The following ZNF91 variants were observed in gnomAD, a reference collection of about 807,000 sequenced individuals.
ZNF91 encodes the protein zinc finger protein 91 (HPF7, HTF10).
Under a neutral mutation model 12.6 loss-of-function variants are expected in ZNF91, and 7 were observed. The observed-to-expected ratio is 0.55, with a 90% CI of 0.31 to 1.04. ZNF91 has a LOEUF of 1.04. Ranked by LOEUF, ZNF91 falls within the 50% of genes least tolerant of loss-of-function variation. The pLI is 0.05. For missense variants in ZNF91, 1,217 were observed against 1,385.4 expected (o/e 0.88, Z 1.93); for synonymous variants, 453 against 462.6 (o/e 0.98, Z 0.27).
At chr19:23,377,531 C>A (rs1969546827) in intron 1 of ZNF91, among the ~76,000 whole-genome samples, 1 of 152,100 alleles carries the variant, frequency 6.6e-6, no homozygotes, top group African/African-American at 2.4e-5. Context: ...GTGTTCTAAA[C>A]AAGTCCCCTG....
downstream of ZNF91, among the ~76,000 whole-genome samples, chr19:23,337,638 C>CT (rs1422112691): frequency 1.3e-5 from 2 of 151,424 alleles, no homozygotes; most frequent in African/African-American, 4.8e-5. Flanking sequence ...CTCCAGTACT[C>CT]TAAGAAAAAA....
At chr19:23,318,101 T>C (rs1487514632) in intron 1 of ZNF91, among the ~76,000 whole-genome samples, 1 of 152,200 alleles carries the variant, frequency 6.6e-6, no homozygotes, top group Non-Finnish European at 1.5e-5. Flanking sequence ...CTGTGACATA[T>C]CACTGTCACT....
intron 3 of ZNF91, among the ~76,000 whole-genome samples, chr19:23,348,305 G>A (rs561434332): frequency 5.4e-4 from 82 of 152,280 alleles, no homozygotes; most frequent in Admixed American, 1.8e-3. Context: ...GACCCTGAAC[G>A]GAGGGACCAG....
At chr19:23,389,716 A>G (rs1969997489) in intron 1 of ZNF91, among the ~76,000 whole-genome samples, 1 of 152,154 alleles carries the variant, frequency 6.6e-6, no homozygotes, top group Non-Finnish European at 1.5e-5. Context: ...AGTCTGTGGT[A>G]TCTTTCTTCT....
upstream of ZNF91, among the ~76,000 whole-genome samples, chr19:23,314,285 G>T (rs1967516054): frequency 6.6e-6 from 1 of 152,068 alleles, no homozygotes; most frequent in African/African-American, 2.4e-5. Flanking sequence ...CTTGGTATTT[G>T]CCAACAGGTG....
chr19:23,337,621 A>C (rs1304670003), downstream of ZNF91, among the ~76,000 whole-genome samples: 1 of 152,086 alleles, frequency 6.6e-6, no homozygotes, highest in African/African-American at 2.4e-5. Flanking sequence ...AAAGGAACAC[A>C]ATAATTCTCC....
At chr19:23,388,398 AAC>A (rs57766347) in intron 1 of ZNF91, among the ~76,000 whole-genome samples, 28,598 of 152,176 alleles carry the variant, frequency 0.19, 2,895 homozygotes, top group Non-Finnish European at 0.21. Context: ...ATAAAACCAC[AAC>A]AGAGGCTGAA....
chr19:23,341,156 T>G (rs939883538), intron 3 of ZNF91, among the ~76,000 whole-genome samples: 2 of 151,314 alleles, frequency 1.3e-5, no homozygotes, highest in Non-Finnish European at 2.9e-5. Flanking sequence ...GTTCAAGCAA[T>G]TCTTCTGTGT....
At position 23,342,727 on chromosome 19, in the gene ZNF91, C is replaced by T. The variant is rs1423824851; in HGVS notation, c.254-3673G>A. 2.0e-5 allele frequency among the ~76,000 whole-genome samples: 3 copies of T among 151,942 alleles called. No individual in the cohort carries two copies. The East Asian group carries it at 5.8e-4, about 29-fold the overall frequency. ...ATTCTACAAAGGGAGAAAATAGAAG[C>T]CTGATGGTATATTAGAAAATCTGGG... is the stretch of plus-strand genomic sequence containing the variant. On this transcript the variant is annotated intron_variant, in intron 3 of 3. Transcript: ENST00000599743.
At chr19:23,373,913 G>T in intron 2 of ZNF91, 76 bp from the exon 3 acceptor site, 1 of 954,606 alleles carries the variant, frequency 1.0e-6, no homozygotes, top group Non-Finnish European at 1.5e-6. Context: ...GCTCAGTAAA[G>T]AGCATATAAT....
chr19:23,355,665 C>T (rs970049748), downstream of ZNF91, among the ~76,000 whole-genome samples: 1 of 152,142 alleles, frequency 6.6e-6, no homozygotes, highest in African/African-American at 2.4e-5. Flanking sequence ...AGTAAACAGA[C>T]AACTCACACA....
chr19:23,323,534 TTTCCTTTTTCTCTCCTC>T (rs1967759238), intron 1 of ZNF91, among the ~76,000 whole-genome samples: 1 of 137,480 alleles, frequency 7.3e-6, no homozygotes, highest in Non-Finnish European at 1.5e-5. Flanking sequence ...TTCTCCTCCT[TTTCCTTTTTCTCTCCTC>T]TTCCTTTTTC....
intron 1 of ZNF91, among the ~76,000 whole-genome samples, chr19:23,310,370 T>C (rs1447042681): frequency 6.6e-6 from 1 of 152,180 alleles, no homozygotes; most frequent in Non-Finnish European, 1.5e-5. Context: ...GTGGATCTGG[T>C]CCACAGGTTG....
At chr19:23,338,670 AG>A (rs1968062583), downstream of ZNF91, 1 of 152,210 alleles carries the variant, frequency 6.6e-6, no homozygotes, top group Non-Finnish European at 1.5e-5. Flanking sequence ...TAAAAAAATA[AG>A]ACAAGAAAAT....
At chr19:23,327,281 C>G (rs1362977600) in intron 1 of ZNF91, 1 of 151,808 alleles carries the variant, frequency 6.6e-6, no homozygotes, top group Non-Finnish European at 1.5e-5. Flanking sequence ...CATACTTTAC[C>G]CTGATACTTT....
At chr19:23,354,417 C>A (rs1433271232), downstream of ZNF91, among the ~76,000 whole-genome samples, 1 of 152,116 alleles carries the variant, frequency 6.6e-6, no homozygotes, top group Non-Finnish European at 1.5e-5. Flanking sequence ...TATTTAGCAT[C>A]CCTTTATGAT....
intron 3 of ZNF91, among the ~76,000 whole-genome samples, chr19:23,372,015 A>T (rs1361009410): frequency 1.3e-5 from 2 of 148,768 alleles, no homozygotes; most frequent in African/African-American, 5.0e-5. Flanking sequence ...TATTTGAGGA[A>T]TACATTATGT....
chr19:23,365,549 A>T (rs1459110291), intron 3 of ZNF91, among the ~76,000 whole-genome samples: 2 of 151,872 alleles, frequency 1.3e-5, no homozygotes, highest in Admixed American at 6.6e-5. Context: ...TTAAATGTAA[A>T]TACACAGACA....
rs948830525 is a variant in ZNF91 at position 23,360,414 on chromosome 19, T to C, written c.2565A>G (p.Lys855=). ...KIIHAGEKLY[K]CEECGKAFNQ... is the part of the protein sequence containing the mutation. ...TAAAAGCTTTGCCACATTCCTCACA[T>C]TTGTAGAGTTTCTCTCCAGCATGTA... Residue 855 remains lysine, a synonymous_variant, in exon 4 of 4, where the codon AAA becomes AAG. Transcript: ENST00000300619. The C allele has an allele frequency of 1.2e-6, 2 of 1,614,078 alleles. No individual in the cohort carries two copies. Among genetic ancestry groups the C allele is most frequent in the Non-Finnish European group, 1.7e-6 (2 of 1,180,000 alleles).
Sources: allele counts gnomAD v4.1 joint callset (sites outside exome capture counted in the v4.1 genomes callset), GRCh38; gene constraint gnomAD v4.1.1; transcripts MANE v1.5; gene names NCBI Gene and HGNC (gene_info 2026-07-23, HGNC 2026-07-21).